Variants in UMAD1 observed in about 807,000 individuals in gnomAD.
UMAD1 encodes UBAP1-MVB12-associated (UMA)-domain containing protein 1.
UMAD1 carries 8 observed loss-of-function variants against 6.1 expected under a neutral mutation model. The ratio of observed to expected loss-of-function variants is 1.30; its 90% CI spans 0.76 to 2.35. UMAD1 has a LOEUF of 2.35. UMAD1 is among the 30% of genes most tolerant of loss of function. The pLI is 0.00. For missense variants in UMAD1, 130 were observed against 78.4 expected (o/e 1.66, Z -2.49); for synonymous variants, 56 against 31.4 (o/e 1.78, Z -2.61).
chr7:7,861,039 C>G (rs1784107158), intron 3 of UMAD1, among the ~76,000 whole-genome samples: 1 of 151,980 alleles, frequency 6.6e-6, no homozygotes, highest in African/African-American at 2.4e-5. Context: ...TATAAGGTGC[C>G]TATAATAGGC....
At chr7:7,855,585 G>C (rs572316233) in intron 3 of UMAD1, among the ~76,000 whole-genome samples, 2 of 152,206 alleles carry the variant, frequency 1.3e-5, no homozygotes, top group Admixed American at 1.3e-4. Flanking sequence ...CAGCAGGGGG[G>C]GCCCTAGACC....
chr7:7,849,756 A>G (rs1783877821), intron 3 of UMAD1, among the ~76,000 whole-genome samples: 1 of 151,994 alleles, frequency 6.6e-6, no homozygotes, highest in Non-Finnish European at 1.5e-5. Flanking sequence ...CATGGTAAGT[A>G]CAGCAAATGA....
chr7:7,742,159 C>T lies in UMAD1; in HGVS notation c.83-59511C>T, dbSNP rs960509936. The T allele has an allele frequency of 3.0e-5, 20 of 657,344 alleles. No individual in the cohort carries two copies. The East Asian group carries it at 5.5e-4, about 18-fold the overall frequency. 40.7% of individuals were successfully genotyped at this position (657,344 alleles called of 1,614,324 possible). ...GGCAGTTGAATATATGCCTTCTCTC[C>T]ATCAGGCCGAATCAGGTGTTGACCT... On this transcript the variant is annotated intron_variant, in intron 2 of 3. Coordinates refer to ENST00000682710, the MANE Select transcript of UMAD1 (RefSeq NM_001302348.2).
chr7:7,840,609 T>C (rs1310365138), intron 3 of UMAD1, among the ~76,000 whole-genome samples: 1 of 152,030 alleles, frequency 6.6e-6, no homozygotes, highest in African/African-American at 2.4e-5. Context: ...TGAACAGCAC[T>C]TAGCACAATT....
In UMAD1 at chr7:7,652,809, C is replaced by A. The variant is rs886723; in HGVS notation, c.-64+11988C>A. 3.3e-5 allele frequency among the ~76,000 whole-genome samples: 5 copies of A among 152,336 alleles called. No homozygotes were observed. In the South Asian group the frequency reaches 8.3e-4, roughly 25 times the overall value. ...CAATGGGGAGGAAGTAGTAAGCCTT[C>A]TGATGATGCAGTCAGGCTATATTGA... On this transcript the variant is annotated intron_variant, in intron 1 of 3. Coordinates refer to ENST00000682710, the MANE Select transcript of UMAD1 (RefSeq NM_001302348.2).
At chr7:7,826,243 G>A (rs75894674) in intron 3 of UMAD1, among the ~76,000 whole-genome samples, 2,985 of 152,134 alleles carry the variant, frequency 0.02, 88 homozygotes, top group African/African-American at 0.063. Context: ...AATGTCTCAC[G>A]TTAGGCAATT....
chr7:7,808,656 A>T (rs1782966534), intron 3 of UMAD1, among the ~76,000 whole-genome samples: 2 of 151,930 alleles, frequency 1.3e-5, no homozygotes, highest in Non-Finnish European at 2.9e-5. Context: ...TTGTAACTGC[A>T]GTTTTTTAAA....
intron 2 of UMAD1, among the ~76,000 whole-genome samples, chr7:7,742,970 C>G (rs1373175918): frequency 6.6e-6 from 1 of 152,048 alleles, no homozygotes; most frequent in Non-Finnish European, 1.5e-5. Context: ...TATTGTAAAG[C>G]ACGTGCGTTT....
intron 2 of UMAD1, among the ~76,000 whole-genome samples, chr7:7,795,805 G>A (rs1222946778): frequency 6.6e-6 from 1 of 152,140 alleles, no homozygotes; most frequent in East Asian, 1.9e-4. Context: ...TGAACATTGA[G>A]GATGACCAGA....
intron 3 of UMAD1, among the ~76,000 whole-genome samples, chr7:7,848,969 T>C (rs1022392567): frequency 1.3e-5 from 2 of 152,178 alleles, no homozygotes; most frequent in African/African-American, 4.8e-5. Context: ...CTACCTGTTA[T>C]GTAAGTTATG....
At chr7:7,835,462 C>CTT (rs150411259) in intron 3 of UMAD1, among the ~76,000 whole-genome samples, 6 of 33,668 alleles carry the variant, frequency 1.8e-4, no homozygotes, top group East Asian at 7.9e-4. Context: ...TGAAACAGCA[C>CTT]TTTTTTTTTT....
At chr7:7,688,938 C>T (rs1186943464) in intron 2 of UMAD1, among the ~76,000 whole-genome samples, 1 of 152,112 alleles carries the variant, frequency 6.6e-6, no homozygotes, top group African/African-American at 2.4e-5. Flanking sequence ...GTTAACTTAT[C>T]TATTACTTGG....
chr7:7,804,570 G>A (rs1169745816), intron 3 of UMAD1, among the ~76,000 whole-genome samples: 1 of 152,260 alleles, frequency 6.6e-6, no homozygotes. Flanking sequence ...CTACTCAGGA[G>A]GCTGAGGCAG....
intron 3 of UMAD1, among the ~76,000 whole-genome samples, chr7:7,859,214 T>C (rs948716265): frequency 2.0e-5 from 3 of 152,252 alleles, no homozygotes; most frequent in African/African-American, 4.8e-5. Flanking sequence ...TTTGTCTCTA[T>C]TGTGAACTCA....
chr7:7,825,103 G>T (rs1360801153), intron 3 of UMAD1, among the ~76,000 whole-genome samples: 1 of 152,090 alleles, frequency 6.6e-6, no homozygotes, highest in Non-Finnish European at 1.5e-5. Flanking sequence ...CTCTAAGGCT[G>T]CCTGTCAATA....
chr7:7,836,068 T>A (rs1207487017), intron 3 of UMAD1, among the ~76,000 whole-genome samples: 1 of 152,068 alleles, frequency 6.6e-6, no homozygotes, highest in Non-Finnish European at 1.5e-5. Flanking sequence ...AATATAGTCT[T>A]AAAGATTCCA....
rs73356212 is a variant in UMAD1, at chr7:7,788,648, A to G, written c.83-13022A>G. Among the ~76,000 whole-genome samples, 325 of 140,084 alleles carry G rather than the reference A, an allele frequency of 2.3e-3. 2 individuals are homozygous for G. The highest frequency in any genetic ancestry group is 8.6e-3 in the African/African-American group (315 of 36,608). The allele number at this position is 140,084 out of a possible 152,430, so 91.9% of individuals were successfully genotyped here. ...GGTGACTCTCCTTTTCCTTCTCTCA[A>G]CTCCTCAGATTTTCTGTGATTTCTG... On this transcript the variant is annotated intron_variant, in intron 2 of 3. Transcript: ENST00000682710.
At chr7:7,800,221 C>T (rs758609797) in intron 2 of UMAD1, among the ~76,000 whole-genome samples, 6 of 152,212 alleles carry the variant, frequency 3.9e-5, no homozygotes, top group Non-Finnish European at 5.9e-5. Context: ...GAGAAGTTCA[C>T]TAATTTATTC....
At chr7:7,676,776 A>G (rs1779751825) in intron 2 of UMAD1, among the ~76,000 whole-genome samples, 1 of 152,192 alleles carries the variant, frequency 6.6e-6, no homozygotes. Flanking sequence ...TGGTTTAATT[A>G]GTGAAAACAT....
Sources: gnomAD v4.1 joint callset for allele counts (sites outside exome capture counted in the v4.1 genomes callset) on GRCh38, gnomAD v4.1.1 for gene constraint, MANE v1.5 for transcripts, NCBI Gene and HGNC (gene_info 2026-07-23, HGNC 2026-07-21) for gene names.